The following GNS variants were observed in gnomAD, a reference collection of about 807,000 sequenced individuals.
GNS encodes the protein glucosamine (N-acetyl)-6-sulfatase.
Under a neutral mutation model 69.7 loss-of-function variants are expected in GNS, and 40 were observed. The ratio of observed to expected loss-of-function variants is 0.57; its 90% CI spans 0.45 to 0.75. The LOEUF (loss-of-function observed/expected upper bound fraction) is 0.75. GNS is among the 30% of genes least tolerant of loss of function. GNS has a pLI of 0.00. For missense variants in GNS, 565 were observed against 685.5 expected (o/e 0.82, Z 1.96); for synonymous variants, 243 against 251.6 (o/e 0.97, Z 0.32).
intron 1 of GNS, among the ~76,000 whole-genome samples, chr12:64,757,680 GAGAT>G (rs139156963): frequency 7.4e-4 from 112 of 152,276 alleles, no homozygotes; most frequent in African/African-American, 2.6e-3. Flanking sequence ...GGAAGAAAGA[GAGAT>G]AGATAATGAT....
chr12:64,742,222 G>A (rs996320932), intron 6 of GNS, among the ~76,000 whole-genome samples: 7 of 152,070 alleles, frequency 4.6e-5, no homozygotes, highest in East Asian at 1.9e-4. Context: ...GGGTTTCACT[G>A]TGTTAGCCAG....
intron 9 of GNS, among the ~76,000 whole-genome samples, chr12:64,729,779 G>A (rs1467467328): frequency 6.6e-6 from 1 of 151,960 alleles, no homozygotes; most frequent in Admixed American, 6.5e-5. Context: ...AAATATAAAG[G>A]GGACCCCATA....
chr12:64,726,823 A>G (rs1247956215), intron 10 of GNS, among the ~76,000 whole-genome samples: 1 of 152,170 alleles, frequency 6.6e-6, no homozygotes, highest in Admixed American at 6.5e-5. Context: ...GGAAAAGACA[A>G]GTCATAATAA....
At chr12:64,736,053 T>G (rs1869547248) in intron 9 of GNS, among the ~76,000 whole-genome samples, 1 of 152,240 alleles carries the variant, frequency 6.6e-6, no homozygotes, top group East Asian at 1.9e-4. Context: ...AATTTTAGCT[T>G]AAAGTGTGTA....
chr12:64,750,238 G>C (rs1870036300), intron 2 of GNS, among the ~76,000 whole-genome samples: 1 of 152,010 alleles, frequency 6.6e-6, no homozygotes, highest in Non-Finnish European at 1.5e-5. Context: ...GGTAGAGATG[G>C]GGTTTCACCA....
At position 64,744,895 on chromosome 12, in the gene GNS, T is replaced by C; in HGVS notation, c.538A>G (p.Lys180Glu). Residue 180 changes from lysine to glutamate, a missense_variant, in exon 5 of 14, where the codon AAG becomes GAG. Around this residue, in one of 2 missense-constraint regions of GNS, gnomAD observed 384 missense variants for 511.0 expected, o/e 0.75. Transcript: ENST00000258145. ...ATAGACAGGGTGTAATTATAATACT[T>C]AGAATTCTTTTCCTATTAAAAAGAG... ...SYWYALEKNSKYYNYTLSING... is the reference protein window; with the variant it reads ...SYWYALEKNSEYYNYTLSING... The C allele has an allele frequency of 1.4e-6, 2 of 1,471,550 alleles. No individual in the cohort carries two copies. Among genetic ancestry groups the C allele is most frequent in the Non-Finnish European group, 9.5e-7 (1 of 1,049,770 alleles). The allele number at this position is 1,471,550 out of a possible 1,614,324, so 91.2% of individuals were successfully genotyped here.
Position 64,732,339 on chromosome 12 carries a change from T to C in GNS, c.1099-3282A>G, listed in dbSNP as rs1267246928. ...CCTGCCACCACGCCCAGCTACTTTT[T>C]TTGTATTTTCAGTAGAGACGGGGTT... On this transcript the variant is annotated intron_variant, in intron 9 of 13. Coordinates refer to ENST00000258145, the MANE Select transcript of GNS (RefSeq NM_002076.4). 2.0e-5 allele frequency among the ~76,000 whole-genome samples: 3 copies of C among 151,124 alleles called. No homozygotes were observed. In the East Asian group the frequency reaches 5.9e-4, roughly 29 times the overall value.
chr12:64,721,410 A>C (rs1298324471), intron 12 of GNS, among the ~76,000 whole-genome samples, 185 bp downstream of exon 12: 1 of 152,208 alleles, frequency 6.6e-6, no homozygotes, highest in Non-Finnish European at 1.5e-5. Flanking sequence ...TCAATTCAGA[A>C]AGATTACAAT....
chr12:64,738,425 G>T (rs1869619571), intron 8 of GNS, among the ~76,000 whole-genome samples: 1 of 152,206 alleles, frequency 6.6e-6, no homozygotes, highest in Non-Finnish European at 1.5e-5. Flanking sequence ...AAAACACAGG[G>T]AGAGTAGGAA....
Position 64,716,773 on chromosome 12 carries a change from T to C in GNS, c.1627A>G (p.Arg543Gly), listed in dbSNP as rs763232728. The C allele has an allele frequency of 8.1e-6, 13 of 1,613,492 alleles. No homozygotes were observed. The highest frequency in any genetic ancestry group is 1.1e-5 in the Non-Finnish European group (13 of 1,179,364). ...AGATGTTTGGAAAATCTTCGAGTCC[T>C]GACACTGCCGCGATTGCTGAACATG... ...RLMFSNRGSV[R>G]TRRFSKHLL is the part of the protein sequence containing the mutation. Residue 543 changes from arginine (R) to glycine (G), a missense_variant, in exon 14 of 14, where the codon AGG becomes GGG. Physicochemically the swap from Arg to Gly is moderately radical, Grantham distance 125 (BLOSUM62 -2). This residue lies in a region of GNS where 384 missense variants were observed against 511.0 expected (regional missense o/e 0.75). Transcript: ENST00000258145.
intron 5 of GNS, 94 bp downstream of exon 5, chr12:64,744,715 C>A (rs1347443748): frequency 4.0e-6 from 3 of 757,556 alleles, no homozygotes; most frequent in Non-Finnish European, 7.3e-6. Context: ...TTACCCAACA[C>A]AAACGAATAA....
chr12:64,749,334 G>C (rs1870002169), intron 2 of GNS, among the ~76,000 whole-genome samples: 1 of 136,620 alleles, frequency 7.3e-6, no homozygotes, highest in Non-Finnish European at 1.5e-5. Context: ...CTCACTGCAA[G>C]CTCCGCCTCC....
chr12:64,759,224 T>C lies in GNS; in HGVS notation c.53A>G (p.His18Arg). The C allele has an allele frequency of 1.9e-6, 3 of 1,544,708 alleles. No individual in the cohort carries two copies. Among genetic ancestry groups the C allele is most frequent in the Non-Finnish European group, 1.7e-6 (2 of 1,144,480 alleles). The change falls in exon 1 of 14, where the codon CAC (histidine) becomes CGC (arginine). Residue 18 changes from histidine (H) to arginine (R), a missense_variant. This residue lies in a region of GNS where 181 missense variants were observed against 174.4 expected (regional missense o/e 1.04). Coordinates refer to ENST00000258145, the MANE Select transcript of GNS (RefSeq NM_002076.4). ...CAGCGCTGGGCTGCAGGAGGGCAGGTGGCGGGGGCTGCCCCGCCGGAGCCG... is the reference window on the plus strand; with the variant it reads ...CAGCGCTGGGCTGCAGGAGGGCAGGCGGCGGGGGCTGCCCCGCCGGAGCCG... The part of the protein sequence containing the change: ...PGRLRRGSPR[H>R]LPSCSPALLL...
In GNS at chr12:64,722,743, G is replaced by A. The variant is rs1474453030; in HGVS notation, c.1308+263C>T. On this transcript the variant is annotated intron_variant, in intron 11 of 13. Transcript: ENST00000258145. ...GTTATTGGGAGGGGTAGAAAAACAG[G>A]GAAGAGGAATTGATAAGAACACGGG... The A allele has an allele frequency of 9.6e-5, 42 of 438,084 alleles. No homozygotes were observed. The East Asian group carries it at 2.0e-3, about 20-fold the overall frequency. 27.1% of individuals were successfully genotyped at this position (438,084 alleles called of 1,614,324 possible).
chr12:64,744,384 A>G (rs960020066), intron 5 of GNS, among the ~76,000 whole-genome samples: 4 of 152,196 alleles, frequency 2.6e-5, no homozygotes, highest in African/African-American at 9.7e-5. Context: ...ACCTGCTTTC[A>G]GTAATTTTTA....
At chr12:64,721,879 T>C (rs189051177) in intron 11 of GNS, among the ~76,000 whole-genome samples, 174 bp from the exon 12 acceptor site, 6 of 152,338 alleles carry the variant, frequency 3.9e-5, no homozygotes, top group African/African-American at 1.4e-4. Context: ...TTTGTTCCTT[T>C]GGCTAACTTG....
intron 9 of GNS, 23 bp from the exon 10 acceptor site, chr12:64,729,080 A>G (rs1217264108): frequency 1.7e-6 from 2 of 1,190,772 alleles, no homozygotes; most frequent in East Asian, 2.3e-5. Flanking sequence ...GGGAAAAACA[A>G]TCTAGAACAC....
At chr12:64,753,523 G>C (rs1325960668) in intron 1 of GNS, among the ~76,000 whole-genome samples, 1 of 152,132 alleles carries the variant, frequency 6.6e-6, no homozygotes, top group African/African-American at 2.4e-5. Context: ...CCATTGAAGA[G>C]GTCATTTTAG....
chr12:64,717,389 C>T (rs977216730), intron 13 of GNS, among the ~76,000 whole-genome samples: 1 of 152,214 alleles, frequency 6.6e-6, no homozygotes, highest in African/African-American at 2.4e-5. Flanking sequence ...GTCAGTCTGT[C>T]GCCCAGGCTG....
Sources: allele counts gnomAD v4.1 joint callset (sites outside exome capture counted in the v4.1 genomes callset), GRCh38; gene constraint gnomAD v4.1.1; regional missense constraint gnomAD v4.1.1; transcripts MANE v1.5; gene names NCBI Gene and HGNC (gene_info 2026-07-23, HGNC 2026-07-21).